TTC39A: variants seen among roughly 807,000 people sequenced by gnomAD.
The protein encoded by TTC39A is tetratricopeptide repeat protein 39A.
Under a neutral mutation model 82.3 loss-of-function variants are expected in TTC39A, and 46 were observed. That is an observed-to-expected ratio of 0.56 (90% CI 0.44 to 0.71). The LOEUF (loss-of-function observed/expected upper bound fraction) is 0.71, where lower values mean the gene tolerates loss of function less well. Among genes scored for constraint, TTC39A ranks in the 30% least tolerant of loss-of-function variants. The pLI is 0.00. For synonymous variants in TTC39A, 254 were observed against 275.2 expected, an observed-to-expected ratio of 0.92 and a Z score of 0.76; for missense variants, 543 against 712.9, an observed-to-expected ratio of 0.76 and a Z score of 2.71.
chr1:51,305,868 G>T, intron 7 of TTC39A, 109 bp downstream of exon 7: 2 of 1,094,000 alleles, frequency 1.8e-6, no homozygotes, highest in Non-Finnish European at 2.8e-6. Flanking sequence ...CTGGTGCCCA[G>T]CACACAGCCA....
intron 14 of TTC39A, among the ~76,000 whole-genome samples, chr1:51,291,482 G>T (rs1215495255): frequency 7.0e-6 from 1 of 142,374 alleles, no homozygotes; most frequent in East Asian, 2.1e-4. Context: ...CAGAGACTCC[G>T]TCTCAAAAAA....
chr1:51,336,494 G>A (rs11205834), intron 1 of TTC39A, among the ~76,000 whole-genome samples: 2,358 of 152,224 alleles, frequency 0.015, 61 homozygotes, highest in African/African-American at 0.054. Flanking sequence ...GCTGCTGAAG[G>A]TAGGTCTAAA....
At chr1:51,334,877 C>T (rs558571890), upstream of TTC39A, 1 of 152,200 alleles carries the variant, frequency 6.6e-6, no homozygotes, top group Non-Finnish European at 1.5e-5. Flanking sequence ...TCAGAGTGGC[C>T]CACCCCTCAG....
intron 6 of TTC39A, among the ~76,000 whole-genome samples, chr1:51,307,095 A>G (rs942181875): frequency 2.0e-5 from 3 of 152,144 alleles, no homozygotes; most frequent in Non-Finnish European, 2.9e-5. Flanking sequence ...GGAAGGCCCA[A>G]TGACCTAAGG....
At chr1:51,336,445 T>C (rs1392476905) in intron 1 of TTC39A, among the ~76,000 whole-genome samples, 2 of 152,144 alleles carry the variant, frequency 1.3e-5, no homozygotes, top group African/African-American at 4.8e-5. Flanking sequence ...GTCTCTGTTC[T>C]AGGATCTGGG....
At position 51,330,396 on chromosome 1, in the gene TTC39A, C is replaced by T. The variant is rs975704401; in HGVS notation, c.41+41G>A. The T allele has an allele frequency of 2.0e-6, 2 of 975,636 alleles. No individual in the cohort carries two copies. The highest frequency in any genetic ancestry group is 4.7e-5 in the South Asian group (1 of 21,426). 60.4% of individuals were successfully genotyped at this position (975,636 alleles called of 1,614,324 possible). On this transcript the variant is annotated intron_variant, in intron 1 of 17. Transcript: ENST00000680483. This position sits in a 1 kb window ranked among gnomAD's most constrained non-coding sequence, Gnocchi z 4.5. ...CCCGCCACCTGCCCGGGCCCCAGCC[C>T]GCGCCGCCCGCGCCCCCGGGCCTCC...
chr1:51,309,280 T>G lies in TTC39A; in HGVS notation c.469A>C (p.Asn157His). Residue 157 changes from asparagine to histidine, a missense_variant, in exon 6 of 18, where the codon AAC becomes CAC. Coordinates refer to ENST00000680483, the MANE Select transcript of TTC39A (RefSeq NM_001297663.2). The part of the protein sequence containing the change: ...SFIKGGIKVR[N>H]SYQTYKELDS... ...ACTCACTTGTAGGTCTGGTAGCTGT[T>G]TCGAACTTTGATGCCGCCTTTGATG... 6.2e-7 allele frequency: 1 copy of G among 1,611,976 alleles called. No homozygotes were observed. The highest frequency in any genetic ancestry group is 8.5e-7 in the Non-Finnish European group (1 of 1,179,026).
chr1:51,335,588 T>C (rs1230641934), upstream of TTC39A, among the ~76,000 whole-genome samples: 1 of 147,944 alleles, frequency 6.8e-6, no homozygotes, highest in Admixed American at 6.7e-5. Flanking sequence ...AAAAGAGCCC[T>C]TAATAAATAC....
At chr1:51,322,189 C>T (rs771877106) in intron 1 of TTC39A, 2 of 1,512,650 alleles carry the variant, frequency 1.3e-6, no homozygotes, top group Admixed American at 2.2e-5. Flanking sequence ...CCAGGGGGTG[C>T]AGCCCAGCCA....
upstream of TTC39A, among the ~76,000 whole-genome samples, chr1:51,336,044 A>T (rs1645970665): frequency 6.8e-6 from 1 of 146,624 alleles, no homozygotes; most frequent in Non-Finnish European, 1.5e-5. Context: ...CAACACCTGC[A>T]GTCTCTGCCA....
At chr1:51,314,208 C>T (rs1645198073) in intron 2 of TTC39A, among the ~76,000 whole-genome samples, 2 of 152,196 alleles carry the variant, frequency 1.3e-5, no homozygotes, top group African/African-American at 4.8e-5. Flanking sequence ...GAGAAGGCAA[C>T]AGGCAGGGAG....
Position 51,294,878 on chromosome 1 carries a change from C to A in TTC39A, c.1146-367G>T, listed in dbSNP as rs1201358276. The stretch of plus-strand genomic sequence containing the variant: ...TTTAACCCCAATTTCACAGGAGAGA[C>A]CAACACTCGGAGAAAGGGTGGGACC... On this transcript the variant is annotated intron_variant, in intron 13 of 17. Transcript: ENST00000680483. The surrounding 1 kb of genome is among the most constrained non-coding windows in gnomAD (Gnocchi z 4.3). 6.6e-6 allele frequency among the ~76,000 whole-genome samples: 1 copy of A among 152,210 alleles called. No individual in the cohort carries two copies. The highest frequency in any genetic ancestry group is 2.4e-5 in the African/African-American group (1 of 41,456).
At chr1:51,323,417 C>T (rs1032829729) in intron 1 of TTC39A, among the ~76,000 whole-genome samples, 2 of 152,148 alleles carry the variant, frequency 1.3e-5, no homozygotes, top group Non-Finnish European at 2.9e-5. Flanking sequence ...TACTTCCTAA[C>T]ATCTCTCAAT....
intron 2 of TTC39A, among the ~76,000 whole-genome samples, chr1:51,315,933 G>A (rs6673362): frequency 0.05 from 7,665 of 152,268 alleles, 618 homozygotes; most frequent in African/African-American, 0.17. Context: ...AAGGGCCCAT[G>A]TTTGGTTTAA....
At position 51,290,013 on chromosome 1, in the gene TTC39A, G is replaced by A; in HGVS notation, c.1485C>T (p.Ile495=). 1.9e-6 allele frequency: 3 copies of A among 1,613,358 alleles called. No individual in the cohort carries two copies. Among genetic ancestry groups the A allele is most frequent in the Non-Finnish European group, 2.5e-6 (3 of 1,179,610 alleles). Residue 495 remains isoleucine, a synonymous_variant, in exon 16 of 18, where the codon ATC becomes ATT. Coordinates refer to ENST00000680483, the MANE Select transcript of TTC39A (RefSeq NM_001297663.2). ...VQEAEENFRS[I]SANEKKIKYD... ...GCTGCAGAGGCACTTACTTGGCAGA[G>A]ATGCTCCTAAAATTCTCCTCGGCCT...
intron 5 of TTC39A, among the ~76,000 whole-genome samples, chr1:51,310,365 T>C (rs1645039891): frequency 6.6e-6 from 1 of 152,102 alleles, no homozygotes; most frequent in Non-Finnish European, 1.5e-5. Flanking sequence ...CAGTGTTCTG[T>C]CCTCCAGTCG....
At position 51,319,693 on chromosome 1, in the gene TTC39A, C is replaced by CT. The variant is rs148207553; in HGVS notation, c.146+2027dup. 6.7e-3 allele frequency among the ~76,000 whole-genome samples: 944 copies of CT among 141,638 alleles called. 8 individuals carry two copies. The highest frequency in any genetic ancestry group is 0.018 in the African/African-American group (702 of 38,918). 92.9% of individuals were successfully genotyped at this position (141,638 alleles called of 152,430 possible). A position where few individuals can be genotyped will look rare whatever the true frequency, so the allele number is the denominator to read the frequency against. ...TATAAAATTTCTTTTTTTTCTTTTT[C>CT]TTTTTTTTTTTTTTCCAGACAGAGT... On this transcript the variant is annotated intron_variant, in intron 2 of 17. Coordinates refer to ENST00000680483, the MANE Select transcript of TTC39A (RefSeq NM_001297663.2).
intron 6 of TTC39A, among the ~76,000 whole-genome samples, chr1:51,308,007 A>C (rs527250320): frequency 2.0e-5 from 3 of 151,618 alleles, no homozygotes; most frequent in South Asian, 2.1e-4. Context: ...TTATTCCTCT[A>C]TCTCTCCTGC....
intron 5 of TTC39A, 86 bp downstream of exon 5, chr1:51,311,168 C>A: frequency 5.3e-6 from 7 of 1,313,492 alleles, no homozygotes; most frequent in Non-Finnish European, 7.4e-6. Flanking sequence ...GGATGGGTCA[C>A]AGTTGCTCTA....
Sources: allele counts gnomAD v4.1 joint callset (sites outside exome capture counted in the v4.1 genomes callset), GRCh38; gene constraint gnomAD v4.1.1; non-coding constraint Gnocchi (gnomAD v3.1); transcripts MANE v1.5; gene names NCBI Gene and HGNC (gene_info 2026-07-23, HGNC 2026-07-21).